The following TANC2 variants were observed in gnomAD, a reference collection of about 807,000 sequenced individuals.
TANC2 encodes tetratricopeptide repeat, ankyrin repeat and coiled-coil containing 2, also known as protein TANC2.
TANC2 carries 26 observed loss-of-function variants against 210.5 expected under a neutral mutation model. The observed-to-expected ratio is 0.12, with a 90% CI of 0.09 to 0.17. TANC2 has a LOEUF of 0.17. Ranked by LOEUF, TANC2 falls within the 10% of genes least tolerant of loss-of-function variation. TANC2 has a pLI of 1.00. For missense variants in TANC2, 2,129 were observed against 2,608.9 expected, an observed-to-expected ratio of 0.82 and a Z score of 4.01; for synonymous variants, 931 against 967.1, an observed-to-expected ratio of 0.96 and a Z score of 0.69.
At position 63,330,585 on chromosome 17, in the gene TANC2, C is replaced by T. The variant is rs1031265869; in HGVS notation, c.1576-9516C>T. Among the ~76,000 whole-genome samples, 4 of 152,070 alleles carry T rather than the reference C, an allele frequency of 2.6e-5. No homozygotes were observed. In the East Asian group the frequency reaches 5.8e-4, roughly 22 times the overall value. ...GCAGCACCTGACTTAAAATATAATT[C>T]ATCTAATGCATTCATTAAAAGTGTC... On this transcript the variant is annotated intron_variant, in intron 11 of 27. Transcript: ENST00000689528.
intron 13 of TANC2, among the ~76,000 whole-genome samples, 151 bp downstream of exon 13, chr17:63,351,567 G>A (rs2046610200): frequency 6.6e-6 from 1 of 152,078 alleles, no homozygotes; most frequent in African/African-American, 2.4e-5. Context: ...TATTTTGAGA[G>A]ATATGATCTA....
chr17:63,010,394 A>G (rs901630846), intron 2 of TANC2, among the ~76,000 whole-genome samples: 1 of 151,592 alleles, frequency 6.6e-6, no homozygotes, highest in Non-Finnish European at 1.5e-5. Context: ...ACTCCCCTAC[A>G]TTAACAAAAG....
intron 9 of TANC2, among the ~76,000 whole-genome samples, chr17:63,302,735 C>G (rs1181345525): frequency 6.7e-6 from 1 of 148,850 alleles, no homozygotes; most frequent in African/African-American, 2.5e-5. Context: ...TGGGTCTTGA[C>G]TCTTTATCCG....
chr17:63,022,004 A>G (rs1034359050), intron 2 of TANC2, among the ~76,000 whole-genome samples: 1 of 152,174 alleles, frequency 6.6e-6, no homozygotes, highest in Non-Finnish European at 1.5e-5. Flanking sequence ...GCTTGGCTGC[A>G]ATGTGTCCAT....
chr17:63,254,610 T>A (rs1339535545), intron 8 of TANC2, among the ~76,000 whole-genome samples: 1 of 152,204 alleles, frequency 6.6e-6, no homozygotes, highest in African/African-American at 2.4e-5. Flanking sequence ...TAGCTATGAG[T>A]CTGTCGTATA....
intron 7 of TANC2, among the ~76,000 whole-genome samples, chr17:63,221,495 G>A (rs2042191374): frequency 6.7e-6 from 1 of 148,786 alleles, no homozygotes; most frequent in African/African-American, 2.5e-5. Flanking sequence ...TAGATGAAGA[G>A]AAAATTTTTC....
intron 6 of TANC2, among the ~76,000 whole-genome samples, chr17:63,195,374 T>C (rs1208726327): frequency 6.6e-6 from 1 of 152,224 alleles, no homozygotes; most frequent in African/African-American, 2.4e-5. Flanking sequence ...ACCTACTTGC[T>C]TAGGACAAAA....
At chr17:63,255,103 AT>A (rs869129866) in intron 8 of TANC2, among the ~76,000 whole-genome samples, 109 of 126,546 alleles carry the variant, frequency 8.6e-4, no homozygotes, top group African/African-American at 3.1e-3. Context: ...TTATTTATTT[AT>A]TTTTATTTAT....
At chr17:63,031,957 G>A (rs1348094529) in intron 2 of TANC2, among the ~76,000 whole-genome samples, 1 of 152,110 alleles carries the variant, frequency 6.6e-6, no homozygotes, top group Admixed American at 6.6e-5. Context: ...TGAGAAATGG[G>A]GAAGAGGATG....
intron 4 of TANC2, among the ~76,000 whole-genome samples, chr17:63,123,381 T>C (rs1359593320): frequency 6.6e-6 from 1 of 151,504 alleles, no homozygotes; most frequent in Admixed American, 6.6e-5. Context: ...CGCAGTGGAA[T>C]CCTGTCTCTA....
At chr17:63,074,625 A>G (rs2036511435) in intron 3 of TANC2, among the ~76,000 whole-genome samples, 1 of 151,972 alleles carries the variant, frequency 6.6e-6, no homozygotes, top group Non-Finnish European at 1.5e-5. Context: ...CCACCTTCCT[A>G]TTTATTCTGT....
At chr17:63,093,659 C>T (rs1288508874) in intron 3 of TANC2, among the ~76,000 whole-genome samples, 2 of 152,104 alleles carry the variant, frequency 1.3e-5, no homozygotes, top group Non-Finnish European at 1.5e-5. Context: ...AGTTAACTGC[C>T]TGCTATATTT....
chr17:63,207,988 A>G (rs960239503), intron 7 of TANC2, among the ~76,000 whole-genome samples: 2 of 152,220 alleles, frequency 1.3e-5, no homozygotes, highest in African/African-American at 2.4e-5. Context: ...AGGTTAAACA[A>G]TCTTTTCACA....
intron 7 of TANC2, among the ~76,000 whole-genome samples, chr17:63,230,420 G>A (rs1301057613): frequency 6.6e-6 from 1 of 152,146 alleles, no homozygotes; most frequent in East Asian, 1.9e-4. Flanking sequence ...TGGGCATTTA[G>A]TGCTGTAAAT....
intron 3 of TANC2, among the ~76,000 whole-genome samples, chr17:63,092,061 G>A (rs1425614833): frequency 6.6e-6 from 1 of 152,016 alleles, no homozygotes; most frequent in Non-Finnish European, 1.5e-5. Context: ...TAATTTTTGT[G>A]CACACATCAG....
intron 7 of TANC2, among the ~76,000 whole-genome samples, chr17:63,234,175 G>C (rs886422534): frequency 6.6e-6 from 1 of 152,082 alleles, no homozygotes; most frequent in African/African-American, 2.4e-5. Flanking sequence ...TTGATCTCTT[G>C]CACCTATTCC....
intron 4 of TANC2, among the ~76,000 whole-genome samples, chr17:63,109,593 A>G (rs1326148184): frequency 2.0e-5 from 3 of 151,696 alleles, no homozygotes; most frequent in Non-Finnish European, 4.4e-5. Context: ...ACAAGTAATA[A>G]TTATAATAAT....
intron 1 of TANC2, among the ~76,000 whole-genome samples, chr17:62,992,779 A>G (rs1256761591): frequency 1.3e-5 from 2 of 152,200 alleles, no homozygotes; most frequent in Non-Finnish European, 2.9e-5. Flanking sequence ...CATGTTGGCT[A>G]CTATTATAAT....
intron 9 of TANC2, among the ~76,000 whole-genome samples, chr17:63,275,866 C>T (rs2043856459): frequency 6.6e-6 from 1 of 152,130 alleles, no homozygotes; most frequent in Admixed American, 6.6e-5. Flanking sequence ...TGACATCTAA[C>T]TCTGCAAGAT....
Sources: allele counts gnomAD v4.1 joint callset (sites outside exome capture counted in the v4.1 genomes callset), GRCh38; gene constraint gnomAD v4.1.1; transcripts MANE v1.5; gene names NCBI Gene and HGNC (gene_info 2026-07-23, HGNC 2026-07-21).